Variants in PPARGC1A observed in about 807,000 individuals in gnomAD.
The protein encoded by PPARGC1A is PPARG coactivator 1 alpha.
PPARGC1A carries 25 observed loss-of-function variants against 88.7 expected under a neutral mutation model. The observed-to-expected ratio is 0.28, with a 90% CI of 0.21 to 0.39. The LOEUF is 0.39. Ranked by LOEUF, PPARGC1A falls within the 10% of genes least tolerant of loss-of-function variation. The pLI is 1.00. For missense variants in PPARGC1A, 880 were observed against 968.7 expected (o/e 0.91, Z 1.22); for synonymous variants, 363 against 355.6 (o/e 1.02, Z -0.24).
rs767098103 is a variant in PPARGC1A, at chr4:23,795,819, A to C, written c.*3T>G. 2.3e-5 allele frequency: 37 copies of C among 1,605,318 alleles called. No individual in the cohort carries two copies. In the South Asian group the frequency reaches 3.9e-4, roughly 17 times the overall value. The stretch of plus-strand genomic sequence containing the variant: ...CCTCTGTCATCCTCAGCTAGGGAAC[A>C]TGTTACCTGCGCAAGCTTCTCTGAG... On this transcript the variant is annotated 3_prime_UTR_variant, in exon 13 of 13. Transcript: ENST00000264867.
chr4:24,325,724 C>G, the PPARGC1A span, among the ~76,000 whole-genome samples: 3 of 152,178 alleles, frequency 2.0e-5, no homozygotes, highest in Non-Finnish European at 2.9e-5. Context: ...CCACAGATGC[C>G]GAGCTTTGAG....
the PPARGC1A span, among the ~76,000 whole-genome samples, chr4:24,304,147 CT>C: frequency 1.3e-5 from 2 of 152,174 alleles, no homozygotes; most frequent in African/African-American, 4.8e-5. Flanking sequence ...ACATTGTTCA[CT>C]CAGCACAAGG....
chr4:23,911,840 A>T, the PPARGC1A span, among the ~76,000 whole-genome samples: 24 of 152,214 alleles, frequency 1.6e-4, no homozygotes, highest in Non-Finnish European at 3.5e-4. Context: ...TGTACAATAC[A>T]GTATTTTTAA....
the PPARGC1A span, among the ~76,000 whole-genome samples, chr4:24,257,672 G>T: frequency 6.6e-6 from 1 of 152,112 alleles, no homozygotes; most frequent in Non-Finnish European, 1.5e-5. Flanking sequence ...ATTCTGGTTG[G>T]CCTCCTCCCC....
the PPARGC1A span, among the ~76,000 whole-genome samples, chr4:24,467,278 G>A: frequency 1.3e-5 from 2 of 152,182 alleles, no homozygotes; most frequent in African/African-American, 2.4e-5. Flanking sequence ...GTGAAAAGTG[G>A]GGTTCTGTGA....
chr4:24,204,063 C>T, the PPARGC1A span, among the ~76,000 whole-genome samples: 357 of 152,200 alleles, frequency 2.3e-3, 1 homozygote, highest in Middle Eastern at 0.01. Context: ...ATGTTGAAAA[C>T]GAAATTTTAA....
intron 2 of PPARGC1A, chr4:23,884,335 A>G (rs1716498641): frequency 1.0e-5 from 2 of 193,020 alleles, no homozygotes; most frequent in Non-Finnish European, 2.1e-5. Context: ...AAACAAAGGT[A>G]GACATCTACC....
chr4:23,824,873 C>T (rs755762076), intron 5 of PPARGC1A, among the ~76,000 whole-genome samples: 23 of 151,992 alleles, frequency 1.5e-4, no homozygotes, highest in Non-Finnish European at 3.2e-4. Flanking sequence ...AACTATAAGG[C>T]GACAGAACAT....
At chr4:24,339,192 ATG>A in the PPARGC1A span, among the ~76,000 whole-genome samples, 6,776 of 90,218 alleles carry the variant, frequency 0.075, 209 homozygotes, top group Middle Eastern at 0.12. Flanking sequence ...AGGTTCATCC[ATG>A]TGTGTGTGTG....
intron 2 of PPARGC1A, among the ~76,000 whole-genome samples, chr4:23,873,318 G>C (rs965253015): frequency 6.6e-6 from 1 of 151,946 alleles, no homozygotes; most frequent in Non-Finnish European, 1.5e-5. Context: ...TAGTGCTTTA[G>C]AGAAACTGAA....
At chr4:24,273,011 T>C in the PPARGC1A span, among the ~76,000 whole-genome samples, 3 of 152,236 alleles carry the variant, frequency 2.0e-5, no homozygotes, top group Admixed American at 6.5e-5. Context: ...TCAGCTCTAA[T>C]TTATCTTCCA....
chr4:23,849,588 AGAT>A (rs1215490060), intron 2 of PPARGC1A, among the ~76,000 whole-genome samples: 6 of 152,336 alleles, frequency 3.9e-5, no homozygotes, highest in African/African-American at 9.6e-5. Context: ...TTGTGTTTGA[AGAT>A]GATAAGGGAA....
chr4:24,337,861 G>GAGCTCCGACGA, the PPARGC1A span, among the ~76,000 whole-genome samples: 7 of 152,086 alleles, frequency 4.6e-5, no homozygotes, highest in Non-Finnish European at 1.0e-4. Flanking sequence ...CCCAAGACTT[G>GAGCTCCGACGA]AGCTCCGACG....
the PPARGC1A span, among the ~76,000 whole-genome samples, chr4:24,328,260 C>G: frequency 1.2e-4 from 16 of 138,204 alleles, no homozygotes; most frequent in African/African-American, 1.9e-4. Context: ...AGCCCCCCCC[C>G]CAATCAGCAT....
At chr4:24,169,167 C>T in the PPARGC1A span, among the ~76,000 whole-genome samples, 1 of 152,006 alleles carries the variant, frequency 6.6e-6, no homozygotes, top group East Asian at 1.9e-4. Flanking sequence ...CCCATCTAAT[C>T]ATGAAAAAAA....
chr4:23,819,029 G>A (rs1722504315), intron 7 of PPARGC1A, among the ~76,000 whole-genome samples: 1 of 151,786 alleles, frequency 6.6e-6, no homozygotes, highest in African/African-American at 2.4e-5. Context: ...CACCAAAATA[G>A]GAAGACTGAG....
At chr4:23,819,156 C>T (rs913502246) in intron 7 of PPARGC1A, among the ~76,000 whole-genome samples, 7 of 152,058 alleles carry the variant, frequency 4.6e-5, no homozygotes, top group Non-Finnish European at 8.8e-5. Flanking sequence ...GTTACCTCTA[C>T]AGCAGTTGTT....
At chr4:24,091,631 G>A in the PPARGC1A span, 1 of 985,192 alleles carries the variant, frequency 1.0e-6, no homozygotes, top group Non-Finnish European at 1.2e-6. Context: ...CAGTCCAGGG[G>A]CAGACTGTCA....
At chr4:24,288,581 T>C in the PPARGC1A span, among the ~76,000 whole-genome samples, 21 of 152,344 alleles carry the variant, frequency 1.4e-4, no homozygotes, top group African/African-American at 4.6e-4. Flanking sequence ...TTGTAAAATG[T>C]GTTTTATGAC....
Sources: allele counts gnomAD v4.1 joint callset (sites outside exome capture counted in the v4.1 genomes callset), GRCh38; gene constraint gnomAD v4.1.1; transcripts MANE v1.5; gene names NCBI Gene and HGNC (gene_info 2026-07-23, HGNC 2026-07-21).